The following DPP6 variants were observed in gnomAD, a reference collection of about 807,000 sequenced individuals.
DPP6 encodes the protein dipeptidyl peptidase like 6.
Under a neutral mutation model 122.6 loss-of-function variants are expected in DPP6, and 69 were observed. The observed-to-expected ratio is 0.56, with a 90% CI of 0.46 to 0.69. The LOEUF (loss-of-function observed/expected upper bound fraction) is 0.69. DPP6 is among the 30% of genes least tolerant of loss of function. DPP6 has a pLI of 0.00. For missense variants in DPP6, 928 were observed against 1,116.9 expected, an observed-to-expected ratio of 0.83 and a Z score of 2.41; for synonymous variants, 418 against 433.1, an observed-to-expected ratio of 0.97 and a Z score of 0.43.
At chr7:154,549,304 C>T (rs1355078483) in intron 4 of DPP6, among the ~76,000 whole-genome samples, 3 of 152,144 alleles carry the variant, frequency 2.0e-5, no homozygotes, top group Non-Finnish European at 4.4e-5. Context: ...CAGAGTTGTC[C>T]TTTATCATTA....
chr7:154,166,981 T>G (rs1049827172), intron 1 of DPP6, among the ~76,000 whole-genome samples: 1 of 148,706 alleles, frequency 6.7e-6, no homozygotes, highest in Admixed American at 6.6e-5. Flanking sequence ...GGTGACTGTC[T>G]CAAAAAACAA....
chr7:154,279,137 CTA>C (rs973316104), intron 1 of DPP6, among the ~76,000 whole-genome samples: 13 of 149,012 alleles, frequency 8.7e-5, no homozygotes, highest in South Asian at 4.3e-4. Flanking sequence ...GTGTGTGTAT[CTA>C]TGTGTGTGTG....
intron 5 of DPP6, among the ~76,000 whole-genome samples, chr7:154,634,202 C>T (rs1476818726): frequency 1.5e-5 from 2 of 135,036 alleles, no homozygotes; most frequent in Non-Finnish European, 3.1e-5. Context: ...TGATTTTCCC[C>T]TTCCTGAGTC....
At chr7:154,692,731 A>G (rs1355286403) in intron 7 of DPP6, among the ~76,000 whole-genome samples, 2 of 150,944 alleles carry the variant, frequency 1.3e-5, no homozygotes, top group Non-Finnish European at 3.0e-5. Flanking sequence ...TCTACCCATC[A>G]TCCTTTTCTC....
chr7:154,008,664 T>TC (rs1798020052), intron 1 of DPP6, among the ~76,000 whole-genome samples: 1 of 141,252 alleles, frequency 7.1e-6, no homozygotes. Context: ...TTTTCTTTTT[T>TC]TTTTTTTTTT....
chr7:154,151,114 C>G (rs1323515019), intron 1 of DPP6, among the ~76,000 whole-genome samples: 1 of 152,244 alleles, frequency 6.6e-6, no homozygotes, highest in African/African-American at 2.4e-5. Context: ...CGATGGCCTC[C>G]CCAGTGCTTC....
chr7:153,829,537 T>G, the DPP6 span, among the ~76,000 whole-genome samples: 1 of 152,194 alleles, frequency 6.6e-6, no homozygotes, highest in Non-Finnish European at 1.5e-5. Context: ...TTTGTCTCTC[T>G]CCTTCCCTGA....
At chr7:154,363,570 T>C (rs1811912091) in intron 1 of DPP6, among the ~76,000 whole-genome samples, 3 of 152,206 alleles carry the variant, frequency 2.0e-5, no homozygotes, top group Admixed American at 2.0e-4. Context: ...TGTCTGTGTC[T>C]GTGGCCCCCA....
At chr7:154,024,245 C>G (rs959652650) in intron 1 of DPP6, among the ~76,000 whole-genome samples, 3 of 152,146 alleles carry the variant, frequency 2.0e-5, no homozygotes, top group African/African-American at 7.2e-5. Flanking sequence ...AAATTAGCAG[C>G]CTGATTCAGA....
At chr7:154,081,850 T>C (rs1280983572) in intron 1 of DPP6, among the ~76,000 whole-genome samples, 3 of 152,044 alleles carry the variant, frequency 2.0e-5, no homozygotes, top group African/African-American at 7.3e-5. Context: ...CAAATAAGGT[T>C]GTATGTTATG....
At chr7:154,312,885 T>A (rs1210808640) in intron 1 of DPP6, among the ~76,000 whole-genome samples, 1 of 152,194 alleles carries the variant, frequency 6.6e-6, no homozygotes, top group Non-Finnish European at 1.5e-5. Flanking sequence ...TTGGAAATAA[T>A]ATGTGACAGA....
the DPP6 span, among the ~76,000 whole-genome samples, chr7:153,761,416 G>C: frequency 3.3e-5 from 5 of 152,180 alleles, no homozygotes; most frequent in African/African-American, 1.2e-4. Context: ...CTGCATATCT[G>C]ACATGAATTA....
chr7:154,607,971 T>C (rs1300232069), intron 5 of DPP6, among the ~76,000 whole-genome samples: 1 of 116,994 alleles, frequency 8.5e-6, no homozygotes, highest in African/African-American at 2.7e-5. Flanking sequence ...ATATTTAGTT[T>C]TTTCTTTTTT....
chr7:154,381,489 G>C (rs1328108212), intron 1 of DPP6, among the ~76,000 whole-genome samples: 1 of 152,172 alleles, frequency 6.6e-6, no homozygotes, highest in Non-Finnish European at 1.5e-5. Flanking sequence ...ATAGACATAT[G>C]TGTGTATGTG....
chr7:153,980,368 A>G (rs1321050130), intron 1 of DPP6, among the ~76,000 whole-genome samples: 1 of 151,820 alleles, frequency 6.6e-6, no homozygotes, highest in East Asian at 1.9e-4. Context: ...GGTAGTGTGT[A>G]TTTTGTGTGG....
intron 5 of DPP6, among the ~76,000 whole-genome samples, chr7:154,597,069 C>CA (rs1027939360): frequency 5.3e-5 from 8 of 151,924 alleles, no homozygotes; most frequent in African/African-American, 1.4e-4. Flanking sequence ...GGAAGAACTA[C>CA]AAAAAAACCT....
At chr7:153,857,482 C>G in the DPP6 span, among the ~76,000 whole-genome samples, 5 of 152,116 alleles carry the variant, frequency 3.3e-5, no homozygotes, top group African/African-American at 1.2e-4. Flanking sequence ...AAAATTTCCT[C>G]TCTGCGCAGA....
intron 1 of DPP6, among the ~76,000 whole-genome samples, chr7:154,429,935 CT>C (rs1818220875): frequency 1.3e-5 from 2 of 152,208 alleles, no homozygotes; most frequent in African/African-American, 4.8e-5. Context: ...CGTTCCTGGC[CT>C]GGTGCTGTCT....
intron 5 of DPP6, among the ~76,000 whole-genome samples, chr7:154,575,752 GTGTA>G (rs1431064908): frequency 2.0e-5 from 3 of 148,450 alleles, no homozygotes; most frequent in Admixed American, 6.7e-5. Context: ...TGTGTGTGGT[GTGTA>G]TGTATGTGTG....
Sources: gnomAD v4.1 joint callset for allele counts (sites outside exome capture counted in the v4.1 genomes callset) on GRCh38, gnomAD v4.1.1 for gene constraint, MANE v1.5 for transcripts, NCBI Gene and HGNC (gene_info 2026-07-23, HGNC 2026-07-21) for gene names.